The following CR1 variants were observed in gnomAD, a reference collection of about 807,000 sequenced individuals.
CR1 encodes complement C3b/C4b receptor 1 (Knops blood group), also known as complement receptor type 1.
Under a neutral mutation model 187.3 loss-of-function variants are expected in CR1, and 116 were observed. That is an observed-to-expected ratio of 0.62 (90% CI 0.53 to 0.72). The LOEUF (loss-of-function observed/expected upper bound fraction) is 0.72. Among genes scored for constraint, CR1 ranks in the 30% least tolerant of loss-of-function variants. The pLI, the probability that CR1 is intolerant of heterozygous loss-of-function variation, is 0.00. For synonymous variants in CR1, 576 were observed against 747.1 expected (o/e 0.77, Z 3.73); for missense variants, 1,731 against 2,110.7 (o/e 0.82, Z 3.52).
At position 207,619,889 on chromosome 1, in the gene CR1, G is replaced by A. The variant is rs1159121561; in HGVS notation, c.7076G>A (p.Cys2359Tyr). The change falls in exon 43 of 47, where the codon TGT becomes TAT. Residue 2359 changes from cysteine (C) to tyrosine (Y), a missense_variant. Physicochemically the swap from Cys to Tyr is radical, Grantham distance 194. Transcript: ENST00000367049. ...QLDHYCKEVNCSFPLFMNGIS... is the reference protein window; with the variant it reads ...QLDHYCKEVNYSFPLFMNGIS... Reference sequence around the variant, plus strand: ...ATTTGTCTAATTTCAGAAGTAAATTGTAGCTTCCCACTGTTTATGAATGGA... The same window carrying A: ...ATTTGTCTAATTTCAGAAGTAAATTATAGCTTCCCACTGTTTATGAATGGA... The A allele has an allele frequency of 6.3e-7, 1 of 1,581,354 alleles. No homozygotes were observed. Among genetic ancestry groups the A allele is most frequent in the African/African-American group, 1.3e-5 (1 of 74,172 alleles).
intron 34 of CR1, among the ~76,000 whole-genome samples, chr1:207,588,057 G>A (rs1661163651): frequency 6.6e-6 from 1 of 152,218 alleles, no homozygotes; most frequent in Non-Finnish European, 1.5e-5. Context: ...AAAAATAGGG[G>A]AGACATCCCA....
chr1:207,609,683 C>A lies in CR1; in HGVS notation c.6290C>A (p.Ser2097Tyr). The A allele has an allele frequency of 6.3e-7, 1 of 1,577,616 alleles. No homozygotes were observed. The highest frequency in any genetic ancestry group is 8.6e-7 in the Non-Finnish European group (1 of 1,162,890). Residue 2097 changes from serine to tyrosine, a missense_variant, in exon 37 of 47, where the codon TCC becomes TAC. By Grantham distance (144) the Ser-to-Tyr change is moderately radical. Coordinates refer to ENST00000367049, the MANE Select transcript of CR1 (RefSeq NM_000651.6). ...GRWGPKLPHC[S>Y]RVCQPPPEIL... The stretch of plus-strand genomic sequence containing the variant: ...TGGGGGCCCAAGCTGCCACACTGCT[C>A]CAGGGGTGAGTGTGACCCATCAAGA...
At chr1:207,604,052 C>A (rs1373142989) in intron 35 of CR1, among the ~76,000 whole-genome samples, 1 of 152,104 alleles carries the variant, frequency 6.6e-6, no homozygotes, top group East Asian at 1.9e-4. Flanking sequence ...GTGACTCTTT[C>A]TTTGAGTTTA....
intron 35 of CR1, 145 bp downstream of exon 35, chr1:207,588,919 G>A (rs934957285): frequency 6.6e-6 from 4 of 610,616 alleles, no homozygotes; most frequent in African/African-American, 1.9e-5. Context: ...TGATACGTTG[G>A]ACATAGCCAT....
intron 35 of CR1, among the ~76,000 whole-genome samples, chr1:207,592,670 T>C (rs187118879): frequency 6.6e-6 from 1 of 152,304 alleles, no homozygotes; most frequent in East Asian, 1.9e-4. Context: ...TGTTTGCATA[T>C]GACATGACTG....
At chr1:207,631,802 C>T (rs1017540679) in intron 46 of CR1, among the ~76,000 whole-genome samples, 1 of 152,214 alleles carries the variant, frequency 6.6e-6, no homozygotes, top group African/African-American at 2.4e-5. Context: ...GGAATAAGAT[C>T]ACCATATGCC....
At chr1:207,612,284 G>A (rs561196431) in intron 39 of CR1, among the ~76,000 whole-genome samples, 32 of 152,314 alleles carry the variant, frequency 2.1e-4, no homozygotes, top group African/African-American at 7.5e-4. Context: ...CTGATCTTGA[G>A]TACACAGTTG....
chr1:207,575,107 C>G (rs1272727915), intron 27 of CR1, among the ~76,000 whole-genome samples: 2 of 151,776 alleles, frequency 1.3e-5, no homozygotes, highest in African/African-American at 4.8e-5. Flanking sequence ...TTGGTTTAAT[C>G]CTCTTGTTGA....
intron 32 of CR1, among the ~76,000 whole-genome samples, chr1:207,584,110 C>G (rs1661039266): frequency 6.6e-6 from 1 of 151,966 alleles, no homozygotes; most frequent in African/African-American, 2.4e-5. Flanking sequence ...TTCATTGTGA[C>G]AGCATTACTG....
rs941011635 is a variant in CR1 at position 207,621,987 on chromosome 1, C to G, written c.7267C>G (p.Leu2423Val). ...AKCTSRTHDA[L>V]IVGTLSGTIF... is the part of the protein sequence containing the mutation. ...CTTCCTTTTAGGTACACATGATGCTCTCATAGTTGGTAAGTTTTATGAAAG... is the reference window on the plus strand; with the variant it reads ...CTTCCTTTTAGGTACACATGATGCTGTCATAGTTGGTAAGTTTTATGAAAG... The change falls in exon 44 of 47, where the codon CTC becomes GTC. Residue 2423 changes from leucine (L) to valine (V), a missense_variant. Leu to Val is a conservative substitution (Grantham distance 32). Transcript: ENST00000367049. The G allele has an allele frequency of 6.3e-7, 1 of 1,597,684 alleles. No individual in the cohort carries two copies. The highest frequency in any genetic ancestry group is 8.5e-7 in the Non-Finnish European group (1 of 1,170,694).
At chr1:207,595,273 A>G (rs1229369932) in intron 35 of CR1, among the ~76,000 whole-genome samples, 3 of 152,050 alleles carry the variant, frequency 2.0e-5, no homozygotes, top group South Asian at 2.1e-4. Context: ...GGGATATAAT[A>G]TAGAAATTCC....
At chr1:207,625,305 C>A (rs541041415) in intron 45 of CR1, among the ~76,000 whole-genome samples, 1 of 152,250 alleles carries the variant, frequency 6.6e-6, no homozygotes, top group African/African-American at 2.4e-5. Context: ...CTCTCTCTGA[C>A]CAGTGGCTAC....
At chr1:207,586,065 C>T (rs1272251054) in intron 33 of CR1, among the ~76,000 whole-genome samples, 1 of 152,102 alleles carries the variant, frequency 6.6e-6, no homozygotes, top group Non-Finnish European at 1.5e-5. Context: ...GAAGACATAG[C>T]TTCTTACAGA....
chr1:207,630,709 G>A, intron 46 of CR1, 88 bp downstream of exon 46: 1 of 806,536 alleles, frequency 1.2e-6, no homozygotes, highest in South Asian at 2.4e-5. Context: ...ATTGCACTAG[G>A]TAGGTCATTG....
intron 46 of CR1, among the ~76,000 whole-genome samples, chr1:207,631,814 T>A (rs900381484): frequency 2.6e-5 from 4 of 152,208 alleles, no homozygotes; most frequent in African/African-American, 4.8e-5. Context: ...CCATATGCCC[T>A]AGAACAGAAT....
chr1:207,514,185 A>G (rs1659713560), intron 4 of CR1, among the ~76,000 whole-genome samples: 1 of 152,204 alleles, frequency 6.6e-6, no homozygotes, highest in South Asian at 2.1e-4. Flanking sequence ...TCTTAAAATA[A>G]ATCAACTCAG....
chr1:207,617,847 A>G (rs935288352), intron 41 of CR1, among the ~76,000 whole-genome samples: 4 of 151,632 alleles, frequency 2.6e-5, no homozygotes, highest in African/African-American at 9.7e-5. Context: ...CATCTGATCT[A>G]GTTTGAAGTT....
chr1:207,619,211 C>T (rs541317595), intron 42 of CR1, among the ~76,000 whole-genome samples: 9 of 151,020 alleles, frequency 6.0e-5, no homozygotes, highest in South Asian at 2.1e-4. Context: ...GGTGAAACCC[C>T]GTCTCTACCA....
At chr1:207,524,989 C>A (rs1660123296) in intron 5 of CR1, among the ~76,000 whole-genome samples, 1 of 151,982 alleles carries the variant, frequency 6.6e-6, no homozygotes, top group Non-Finnish European at 1.5e-5. Flanking sequence ...TGGCTAGGGA[C>A]CCCTCAGGAA....
Sources: gnomAD v4.1 joint callset for allele counts (sites outside exome capture counted in the v4.1 genomes callset) on GRCh38, gnomAD v4.1.1 for gene constraint, MANE v1.5 for transcripts, NCBI Gene and HGNC (gene_info 2026-07-23, HGNC 2026-07-21) for gene names.